The following SDK1 variants were observed in gnomAD, a reference collection of about 807,000 sequenced individuals.
SDK1 encodes the protein protein sidekick-1.
A neutral mutation model predicts 245.5 loss-of-function variants in SDK1; 157 were observed. That is an observed-to-expected ratio of 0.64 (90% CI 0.56 to 0.73). The LOEUF (loss-of-function observed/expected upper bound fraction) is 0.73, where lower values mean the gene tolerates loss of function less well. Ranked by LOEUF, SDK1 falls within the 30% of genes least tolerant of loss-of-function variation. SDK1 has a pLI of 0.00. For synonymous variants in SDK1, 1,647 were observed against 1,278.5 expected, an observed-to-expected ratio of 1.29 and a Z score of -6.15; for missense variants, 3,583 against 3,002.3, an observed-to-expected ratio of 1.19 and a Z score of -4.52.
At chr7:4,046,754 G>C (rs1484811938) in intron 17 of SDK1, among the ~76,000 whole-genome samples, 1 of 151,802 alleles carries the variant, frequency 6.6e-6, no homozygotes, top group Non-Finnish European at 1.5e-5. Context: ...GGCTATTCTA[G>C]TTACCTTGCT....
chr7:3,626,533 G>A (rs752229508), intron 2 of SDK1, among the ~76,000 whole-genome samples: 5 of 152,176 alleles, frequency 3.3e-5, no homozygotes, highest in Non-Finnish European at 7.3e-5. Flanking sequence ...GGTGCTGGGT[G>A]GCCCAGGCCC....
intron 5 of SDK1, among the ~76,000 whole-genome samples, chr7:3,899,408 A>G (rs1446734304): frequency 1.3e-5 from 2 of 152,172 alleles, no homozygotes. Context: ...TCCTATGTCT[A>G]CCACGTGAGA....
intron 1 of SDK1, among the ~76,000 whole-genome samples, chr7:3,587,962 T>A (rs577460711): frequency 6.6e-6 from 1 of 152,262 alleles, no homozygotes; most frequent in Admixed American, 6.5e-5. Context: ...AATAGACTTA[T>A]GTCTATGCCA....
At chr7:3,416,300 AC>A (rs1455257994) in intron 1 of SDK1, among the ~76,000 whole-genome samples, 1 of 152,054 alleles carries the variant, frequency 6.6e-6, no homozygotes, top group East Asian at 1.9e-4. Context: ...AGTTGGTCTC[AC>A]TTTTTTGTGT....
intron 1 of SDK1, among the ~76,000 whole-genome samples, chr7:3,558,899 TG>T: frequency 6.6e-6 from 1 of 152,332 alleles, no homozygotes; most frequent in African/African-American, 2.4e-5. Context: ...ATTAGACAAA[TG>T]TATATTCTGC....
At chr7:3,660,302 A>G (rs1020792229) in intron 4 of SDK1, among the ~76,000 whole-genome samples, 1 of 152,094 alleles carries the variant, frequency 6.6e-6, no homozygotes, top group Non-Finnish European at 1.5e-5. Context: ...AATACCATGG[A>G]CCACCAAGAA....
intron 14 of SDK1, among the ~76,000 whole-genome samples, chr7:3,997,670 GGAA>G (rs1189721986): frequency 6.6e-6 from 1 of 152,156 alleles, no homozygotes; most frequent in Non-Finnish European, 1.5e-5. Flanking sequence ...TCAGAGGGGA[GGAA>G]GTGCATGCGG....
chr7:3,574,747 T>G (rs1443776846), intron 1 of SDK1, among the ~76,000 whole-genome samples: 1 of 152,104 alleles, frequency 6.6e-6, no homozygotes, highest in East Asian at 1.9e-4. Flanking sequence ...ACATTTCATT[T>G]AAAGTTACGA....
chr7:3,944,426 T>G (rs544020563), intron 5 of SDK1, among the ~76,000 whole-genome samples: 2 of 152,242 alleles, frequency 1.3e-5, no homozygotes, highest in Non-Finnish European at 2.9e-5. Context: ...ATATGGCATT[T>G]TAAAAATGTT....
intron 1 of SDK1, among the ~76,000 whole-genome samples, chr7:3,457,638 A>G (rs1415036113): frequency 6.6e-6 from 1 of 152,194 alleles, no homozygotes; most frequent in Non-Finnish European, 1.5e-5. Context: ...TCAGCTTAAT[A>G]TGGCCAAACT....
intron 1 of SDK1, among the ~76,000 whole-genome samples, chr7:3,381,453 C>T (rs1267797439): frequency 1.3e-5 from 2 of 151,952 alleles, no homozygotes. Flanking sequence ...GGAGTGAGCC[C>T]CTCTCAAAAA....
chr7:3,828,753 G>T (rs1401908648), intron 5 of SDK1, among the ~76,000 whole-genome samples: 1 of 148,030 alleles, frequency 6.8e-6, no homozygotes, highest in African/African-American at 2.5e-5. Context: ...CTGGGCTCAA[G>T]CAGTCTTGCT....
chr7:3,940,297 G>A (rs1290248874), intron 5 of SDK1, among the ~76,000 whole-genome samples: 3 of 152,272 alleles, frequency 2.0e-5, no homozygotes, highest in African/African-American at 7.2e-5. Context: ...TTGCGGGACA[G>A]TGAAACCCTG....
intron 2 of SDK1, among the ~76,000 whole-genome samples, chr7:3,627,356 T>A (rs1019732972): frequency 6.6e-6 from 1 of 152,160 alleles, no homozygotes; most frequent in Non-Finnish European, 1.5e-5. Context: ...CTTCAATAAG[T>A]ACAATGAGTC....
chr7:3,546,829 AC>A (rs1779239809), intron 1 of SDK1, among the ~76,000 whole-genome samples: 1 of 152,154 alleles, frequency 6.6e-6, no homozygotes, highest in South Asian at 2.1e-4. Flanking sequence ...CAGGTTACCT[AC>A]CCGTTAGAGT....
At chr7:3,432,832 T>C (rs1403159) in intron 1 of SDK1, among the ~76,000 whole-genome samples, 114,927 of 152,110 alleles carry the variant, frequency 0.76, 43,720 homozygotes, top group African/African-American at 0.84. Context: ...GAATTTTTCT[T>C]CATCTGAAAG....
At chr7:4,082,534 C>CAA (rs1300321399) in intron 22 of SDK1, among the ~76,000 whole-genome samples, 35 of 108,770 alleles carry the variant, frequency 3.2e-4, no homozygotes, top group Middle Eastern at 4.8e-3. Context: ...GATTCTGTCT[C>CAA]AAAAAAAAAA....
chr7:3,995,320 T>G (rs1784621453), intron 14 of SDK1, among the ~76,000 whole-genome samples: 1 of 152,202 alleles, frequency 6.6e-6, no homozygotes, highest in African/African-American at 2.4e-5. Context: ...TTTTAGGCAT[T>G]GCCTCTGGTC....
chr7:3,713,759 C>T (rs898070765), intron 4 of SDK1, among the ~76,000 whole-genome samples: 1 of 152,178 alleles, frequency 6.6e-6, no homozygotes, highest in Non-Finnish European at 1.5e-5. Flanking sequence ...AACCATTCAA[C>T]AATTTAATAT....
Sources: allele counts gnomAD v4.1 joint callset (sites outside exome capture counted in the v4.1 genomes callset), GRCh38; gene constraint gnomAD v4.1.1; transcripts MANE v1.5; gene names NCBI Gene and HGNC (gene_info 2026-07-23, HGNC 2026-07-21).